The following PAPOLA variants were observed in gnomAD, a reference collection of about 807,000 sequenced individuals.
PAPOLA encodes the protein polynucleotide adenylyltransferase alpha.
A neutral mutation model predicts 100.6 loss-of-function variants in PAPOLA; 15 were observed. The ratio of observed to expected loss-of-function variants is 0.15; its 90% CI spans 0.10 to 0.23. PAPOLA has a LOEUF of 0.23. PAPOLA is among the 10% of genes least tolerant of loss of function. The pLI is 1.00. For missense variants in PAPOLA, 533 were observed against 884.2 expected (o/e 0.60, Z 5.04); for synonymous variants, 293 against 300.0 (o/e 0.98, Z 0.24).
chr14:96,530,299 C>T (rs916763165), intron 6 of PAPOLA, among the ~76,000 whole-genome samples: 3 of 151,884 alleles, frequency 2.0e-5, no homozygotes, highest in Admixed American at 1.3e-4. Flanking sequence ...CTTAATACAT[C>T]AAACTTGATA....
intron 16 of PAPOLA, among the ~76,000 whole-genome samples, chr14:96,550,011 G>T (rs557911911): frequency 1.3e-5 from 2 of 152,148 alleles, no homozygotes; most frequent in Non-Finnish European, 2.9e-5. Flanking sequence ...TTTGAGAATG[G>T]TGGCCTGGGC....
rs372971672 is a variant in PAPOLA, at chr14:96,502,556, G to C, written c.-37G>C. On this transcript the variant is annotated 5_prime_UTR_variant, in exon 1 of 22. Coordinates refer to ENST00000216277, the MANE Select transcript of PAPOLA (RefSeq NM_032632.5). ...CAGGGCGGCAGCGGCGGCGGTTGCG[G>C]GGGGGAAGTGACTGGGCGGTGCCGG... The C allele has an allele frequency of 1.1e-5, 17 of 1,529,822 alleles. No individual in the cohort carries two copies. The highest frequency in any genetic ancestry group is 4.9e-5 in the South Asian group (4 of 81,994). 94.8% of individuals were successfully genotyped at this position (1,529,822 alleles called of 1,614,324 possible).
chr14:96,531,627 G>A (rs750950328), intron 7 of PAPOLA, 41 bp downstream of exon 7: 1 of 1,564,552 alleles, frequency 6.4e-7, no homozygotes, highest in Non-Finnish European at 8.7e-7. Context: ...TTCAGTTTTT[G>A]TCAGATATTA....
chr14:96,557,565 TTG>T (rs1901447541), intron 19 of PAPOLA, among the ~76,000 whole-genome samples: 1 of 140,810 alleles, frequency 7.1e-6, no homozygotes, highest in Non-Finnish European at 1.5e-5. Context: ...ACCAATTTCA[TTG>T]TGTTTTTTTT....
intron 3 of PAPOLA, 135 bp downstream of exon 3, chr14:96,521,207 A>C (rs1195544405): frequency 3.3e-6 from 2 of 614,214 alleles, no homozygotes; most frequent in African/African-American, 3.7e-5. Flanking sequence ...TATTGATAAC[A>C]GATTTTACAT....
intron 1 of PAPOLA, among the ~76,000 whole-genome samples, chr14:96,518,728 C>T (rs994240019): frequency 6.6e-6 from 1 of 150,442 alleles, no homozygotes; most frequent in Non-Finnish European, 1.5e-5. Context: ...CACACTTTAA[C>T]TTAAAGTAGA....
chr14:96,526,138 C>T (rs1898454912), intron 4 of PAPOLA: 1 of 152,162 alleles, frequency 6.6e-6, no homozygotes, highest in Admixed American at 6.5e-5. Context: ...AATAAATACA[C>T]AATAAAAATG....
At chr14:96,505,491 A>C (rs1175568684) in intron 1 of PAPOLA, among the ~76,000 whole-genome samples, 1 of 152,238 alleles carries the variant, frequency 6.6e-6, no homozygotes, top group African/African-American at 2.4e-5. Flanking sequence ...AACCAGTATC[A>C]GTAGCATTTA....
chr14:96,517,487 A>T (rs746850406), intron 1 of PAPOLA, among the ~76,000 whole-genome samples: 1 of 152,182 alleles, frequency 6.6e-6, no homozygotes, highest in Admixed American at 6.5e-5. Flanking sequence ...AAGTGTATGC[A>T]TATGTCCAAA....
chr14:96,558,781 G>A, intron 19 of PAPOLA, among the ~76,000 whole-genome samples: 1 of 151,958 alleles, frequency 6.6e-6, no homozygotes, highest in Non-Finnish European at 1.5e-5. Flanking sequence ...ATCTAAGAAT[G>A]AAAGCATTAA....
At chr14:96,523,931 G>A (rs558916575) in intron 3 of PAPOLA, among the ~76,000 whole-genome samples, 7 of 149,302 alleles carry the variant, frequency 4.7e-5, no homozygotes, top group Admixed American at 6.7e-5. Flanking sequence ...GTGACAGAGC[G>A]AGACTCTGTC....
intron 15 of PAPOLA, 174 bp from the exon 16 acceptor site, chr14:96,547,623 A>G: frequency 2.1e-6 from 1 of 481,136 alleles, no homozygotes; most frequent in Non-Finnish European, 3.7e-6. Flanking sequence ...CTTGTGGTAA[A>G]AGGAGTTTGC....
rs79521033 is a variant in PAPOLA at position 96,516,764 on chromosome 14, A to T, written c.9-3291A>T. Among the ~76,000 whole-genome samples the T allele has an allele frequency of 2.8e-4, 43 of 152,344 alleles. No individual in the cohort carries two copies. The East Asian group carries it at 6.9e-3, about 25-fold the overall frequency. On this transcript the variant is annotated intron_variant, in intron 1 of 21. Transcript: ENST00000216277. Reference sequence around the variant, plus strand: ...AATAAAAATTTCCAGCTTGCGTCTGATTTATTTCCCCATCAAAATGTTAGT... The same window carrying T: ...AATAAAAATTTCCAGCTTGCGTCTGTTTTATTTCCCCATCAAAATGTTAGT...
rs1255703527 is a variant in PAPOLA, at chr14:96,556,157, CAT to C, written c.1766-13_1766-12del. ...TTGGTTATTTTAATTTGTATATACT[CAT>C]ATATTTGCTGCTTAGGTACATCGAG... On this transcript the variant is annotated splice_polypyrimidine_tract_variant and intron_variant, in intron 18 of 21. Transcript: ENST00000216277. 1 of 1,570,018 alleles carries C rather than the reference CAT, an allele frequency of 6.4e-7. No homozygotes were observed. The highest frequency in any genetic ancestry group is 8.8e-7 in the Non-Finnish European group (1 of 1,139,900).
chr14:96,516,779 A>C (rs940080819), intron 1 of PAPOLA, among the ~76,000 whole-genome samples: 1 of 152,234 alleles, frequency 6.6e-6, no homozygotes, highest in Non-Finnish European at 1.5e-5. Context: ...TTTCCCCATC[A>C]AAATGTTAGT....
At chr14:96,521,419 A>G (rs1897951649) in intron 3 of PAPOLA, among the ~76,000 whole-genome samples, 2 of 152,226 alleles carry the variant, frequency 1.3e-5, no homozygotes, top group Non-Finnish European at 2.9e-5. Flanking sequence ...CTTTTAAGAA[A>G]TTCTGCCACA....
chr14:96,507,865 C>G (rs1896839653), intron 1 of PAPOLA, among the ~76,000 whole-genome samples: 1 of 151,992 alleles, frequency 6.6e-6, no homozygotes, highest in African/African-American at 2.4e-5. Context: ...TGCAGCACCT[C>G]TGGTGTTTTT....
chr14:96,528,679 G>A lies in PAPOLA; in HGVS notation c.495+673G>A, dbSNP rs577814439. Among the ~76,000 whole-genome samples, 7 of 152,268 alleles carry A rather than the reference G, an allele frequency of 4.6e-5. No individual in the cohort carries two copies. In the South Asian group the frequency reaches 1.4e-3, roughly 32 times the overall value. ...GCTACAGGAGGATCTCTTGAGCCCA[G>A]GAGCTTAAATCTAGCCTGGCAATGT... On this transcript the variant is annotated intron_variant, in intron 6 of 21. Coordinates refer to ENST00000216277, the MANE Select transcript of PAPOLA (RefSeq NM_032632.5).
intron 17 of PAPOLA, 83 bp from the exon 18 acceptor site, chr14:96,555,764 A>G (rs13329034): frequency 0.23 from 149,373 of 642,042 alleles, 18,604 homozygotes; most frequent in African/African-American, 0.39. Context: ...AATAATTTCT[A>G]TATATGTTAT....
Sources: gnomAD v4.1 joint callset for allele counts (sites outside exome capture counted in the v4.1 genomes callset) on GRCh38, gnomAD v4.1.1 for gene constraint, MANE v1.5 for transcripts, NCBI Gene and HGNC (gene_info 2026-07-23, HGNC 2026-07-21) for gene names.